TENM1: variants seen among roughly 807,000 people sequenced by gnomAD.
TENM1 encodes teneurin-1.
In TENM1, 35 loss-of-function variants were observed where a neutral mutation model predicts 174.8. That is an observed-to-expected ratio of 0.20 (90% confidence interval 0.15 to 0.27). TENM1 has a LOEUF of 0.27. Among genes scored for constraint, TENM1 ranks in the 10% least tolerant of loss-of-function variants. The pLI, the probability that TENM1 is intolerant of heterozygous loss-of-function variation, is 1.00. For synonymous variants in TENM1, 781 were observed against 798.7 expected (o/e 0.98, Z 0.37); for missense variants, 1,633 against 2,130.1 (o/e 0.77, Z 4.59).
At chrX:124,821,575 A>G (rs2056038933) in intron 3 of TENM1, among the ~76,000 whole-genome samples, 1 of 112,417 alleles carries the variant, frequency 8.9e-6, no homozygotes, top group African/African-American at 3.2e-5. Context: ...TTAAAAGCAA[A>G]AGAGAAGAAT....
chrX:125,140,706 T>C, the TENM1 span, among the ~76,000 whole-genome samples: 5 of 112,331 alleles, frequency 4.5e-5, no homozygotes, highest in Non-Finnish European at 7.5e-5. Context: ...ATATATCACA[T>C]GTATCCTATA....
chrX:124,849,970 T>C (rs2147393793), intron 3 of TENM1, among the ~76,000 whole-genome samples: 1 of 111,727 alleles, frequency 9.0e-6, no homozygotes, highest in Non-Finnish European at 1.9e-5. Flanking sequence ...CATTTACAGT[T>C]CTTACTCACA....
chrX:125,189,535 A>G, the TENM1 span, among the ~76,000 whole-genome samples: 4 of 112,105 alleles, frequency 3.6e-5, no homozygotes, highest in Non-Finnish European at 5.6e-5. Flanking sequence ...GCAGAGCCCT[A>G]TGTCCAAACC....
the TENM1 span, among the ~76,000 whole-genome samples, chrX:125,176,964 G>C: frequency 1.8e-5 from 2 of 111,917 alleles, no homozygotes; most frequent in African/African-American, 6.5e-5. Flanking sequence ...ATGTACATAA[G>C]TGCATCTTTT....
At chrX:125,200,531 T>G in the TENM1 span, among the ~76,000 whole-genome samples, 1 of 110,581 alleles carries the variant, frequency 9.0e-6, no homozygotes, top group Non-Finnish European at 1.9e-5. Flanking sequence ...ATTAATTTTG[T>G]GGTTAAAATC....
intron 8 of TENM1, among the ~76,000 whole-genome samples, chrX:124,649,817 C>T (rs1050426413): frequency 2.7e-5 from 3 of 111,789 alleles, no homozygotes; most frequent in Non-Finnish European, 3.8e-5. Context: ...AAATGAGCAG[C>T]GTTTAGAGCA....
chrX:124,969,316 T>C, the TENM1 span, among the ~76,000 whole-genome samples: 3 of 112,337 alleles, frequency 2.7e-5, no homozygotes, highest in Non-Finnish European at 5.6e-5. Context: ...TGTCAACATC[T>C]GTGGCTTGCT....
At chrX:124,926,339 A>AT (rs199843328) in intron 1 of TENM1, among the ~76,000 whole-genome samples, 1,350 of 112,078 alleles carry the variant, frequency 0.012, 9 homozygotes, top group Non-Finnish European at 0.018. Flanking sequence ...TACCTGTTGC[A>AT]TAGGATGCTT....
At chrX:124,549,501 T>C (rs2048509613) in intron 14 of TENM1, among the ~76,000 whole-genome samples, 1 of 111,394 alleles carries the variant, frequency 9.0e-6, no homozygotes, top group South Asian at 3.8e-4. Flanking sequence ...AAATAGATTT[T>C]AAATAAATAT....
At chrX:124,387,906 G>A (rs1458249031) in intron 28 of TENM1, among the ~76,000 whole-genome samples, 1 of 112,211 alleles carries the variant, frequency 8.9e-6, no homozygotes, top group African/African-American at 3.2e-5. Flanking sequence ...AAAGGAAGGA[G>A]ACTTGGAAAT....
chrX:124,706,336 G>A (rs1569403718), intron 4 of TENM1, among the ~76,000 whole-genome samples: 1 of 112,171 alleles, frequency 8.9e-6, no homozygotes, highest in Non-Finnish European at 1.9e-5. Context: ...ATAATAAAAT[G>A]TGCAGTTTTA....
intron 5 of TENM1, among the ~76,000 whole-genome samples, chrX:124,692,948 C>T (rs1399953088): frequency 9.6e-5 from 9 of 94,090 alleles, no homozygotes; most frequent in Non-Finnish European, 1.8e-4. Flanking sequence ...GTGGAGGTTG[C>T]AGTGAGCCAA....
chrX:125,150,238 A>G, the TENM1 span, among the ~76,000 whole-genome samples: 2 of 112,174 alleles, frequency 1.8e-5, no homozygotes, highest in African/African-American at 6.5e-5. Flanking sequence ...TTTGATTTTT[A>G]TTTTGATTTC....
intron 5 of TENM1, among the ~76,000 whole-genome samples, chrX:124,676,937 G>C (rs146087120): frequency 4.8e-4 from 52 of 108,978 alleles, no homozygotes; most frequent in African/African-American, 1.6e-3. Context: ...GAATAACTTA[G>C]GCCTATGCTA....
At chrX:125,064,097 G>A in the TENM1 span, among the ~76,000 whole-genome samples, 11 of 108,157 alleles carry the variant, frequency 1.0e-4, no homozygotes, top group Admixed American at 5.9e-4. Context: ...ACTCATAGGT[G>A]GGAATTGAAC....
At chrX:125,090,166 G>A in the TENM1 span, among the ~76,000 whole-genome samples, 5 of 111,493 alleles carry the variant, frequency 4.5e-5, no homozygotes, top group East Asian at 2.8e-4. Flanking sequence ...AATGAAACCC[G>A]AGCTGCTTAC....
intron 1 of TENM1, among the ~76,000 whole-genome samples, chrX:124,940,545 G>C (rs2058310696): frequency 1.8e-5 from 2 of 111,192 alleles, no homozygotes; most frequent in South Asian, 7.6e-4. Context: ...GCTAGTTTGA[G>C]TTGACTTTCT....
intron 22 of TENM1, among the ~76,000 whole-genome samples, chrX:124,458,771 TCTTGTCTTCAG>T (rs1170206352): frequency 8.9e-6 from 1 of 112,339 alleles, no homozygotes; most frequent in Non-Finnish European, 1.9e-5. Flanking sequence ...TTAGCATTTG[TCTTGTCTTCAG>T]CTCCTTGTGA....
chrX:124,772,883 C>A (rs752901023), intron 3 of TENM1, among the ~76,000 whole-genome samples: 13 of 111,465 alleles, frequency 1.2e-4, no homozygotes, highest in Non-Finnish European at 1.7e-4. Context: ...TTCTTTTCAT[C>A]CAGTTTTTAT....
Sources: allele counts gnomAD v4.1 joint callset (sites outside exome capture counted in the v4.1 genomes callset), GRCh38; gene constraint gnomAD v4.1.1; transcripts MANE v1.5; gene names NCBI Gene and HGNC (gene_info 2026-07-23, HGNC 2026-07-21).